HACL1: variants seen among roughly 807,000 people sequenced by gnomAD.
The protein encoded by HACL1 is 1600020H07Rik.
HACL1 carries 64 observed loss-of-function variants against 74.2 expected under a neutral mutation model. That is an observed-to-expected ratio of 0.86 (90% CI 0.70 to 1.06). HACL1 has a LOEUF of 1.06. HACL1 is among the 50% of genes least tolerant of loss of function. The pLI is 0.00. For synonymous variants in HACL1, 230 were observed against 238.8 expected (o/e 0.96, Z 0.34); for missense variants, 728 against 719.7 (o/e 1.01, Z -0.13).
At position 15,568,376 on chromosome 3, in the gene HACL1, T is replaced by C. The variant is rs1468811862; in HGVS notation, c.1250+56A>G. On this transcript the variant is annotated intron_variant, in intron 13 of 16. Coordinates refer to ENST00000321169, the MANE Select transcript of HACL1 (RefSeq NM_012260.4). ...TCTTCTTAATCTGCACTATTACAGT[T>C]TCATATTAAACACATTATAATGAAT... 7.5e-6 allele frequency: 8 copies of C among 1,067,762 alleles called. No individual in the cohort carries two copies. In the East Asian group the frequency reaches 1.7e-4, roughly 22 times the overall value. 66.1% of individuals were successfully genotyped at this position (1,067,762 alleles called of 1,614,324 possible). A position where few individuals can be genotyped will look rare whatever the true frequency, so the allele number is the denominator to read the frequency against.
Position 15,567,700 on chromosome 3 carries a change from C to T in HACL1, c.1409+144G>A. ...GAAGAGAAAGACCGTGGGTTACTGC[C>T]ACTAGCATCCTCAGGACAGAACACA... is the stretch of plus-strand genomic sequence containing the variant. On this transcript the variant is annotated intron_variant, in intron 14 of 16. Transcript: ENST00000321169. 4.2e-6 allele frequency: 3 copies of T among 706,456 alleles called. No homozygotes were observed. In the South Asian group the frequency reaches 5.8e-5, roughly 14 times the overall value. 43.8% of individuals were successfully genotyped at this position (706,456 alleles called of 1,614,324 possible).
chr3:15,595,601 TTCC>T (rs1355438026), intron 3 of HACL1, among the ~76,000 whole-genome samples: 2 of 141,956 alleles, frequency 1.4e-5, no homozygotes, highest in East Asian at 4.3e-4. Context: ...TTCATCTTTT[TTCC>T]TTTTTTTTTT....
At chr3:15,590,658 G>A (rs2125275568) in intron 4 of HACL1, among the ~76,000 whole-genome samples, 1 of 152,184 alleles carries the variant, frequency 6.6e-6, no homozygotes, top group East Asian at 1.9e-4. Context: ...TGCAAAACAA[G>A]GTGAAAAATT....
intron 3 of HACL1, among the ~76,000 whole-genome samples, chr3:15,595,128 C>CA (rs887646334): frequency 3.0e-4 from 42 of 142,328 alleles, no homozygotes; most frequent in South Asian, 1.3e-3. Flanking sequence ...GACTCCATCT[C>CA]AAAAAAAAAA....
In HACL1 at chr3:15,601,553, T is replaced by A. The variant is rs937630850; in HGVS notation, c.-90A>T. Reference sequence around the variant, plus strand: ...AACGCGAAATCGGCAGCACGCCACCTCTGGTACTGCACCTCTGACGGACAG... The same window carrying A: ...AACGCGAAATCGGCAGCACGCCACCACTGGTACTGCACCTCTGACGGACAG... On this transcript the variant is annotated 5_prime_UTR_variant, in exon 1 of 17. Transcript: ENST00000321169. The A allele has an allele frequency of 4.4e-6, 7 of 1,603,826 alleles. No individual in the cohort carries two copies. In the Admixed American group the frequency reaches 5.0e-5, roughly 12 times the overall value.
chr3:15,593,021 C>T (rs80151980), intron 3 of HACL1, among the ~76,000 whole-genome samples: 16,599 of 47,018 alleles, frequency 0.35, 5,228 homozygotes, highest in African/African-American at 0.67. Context: ...TACACATGTA[C>T]GCATATGTAC....
chr3:15,601,242 C>G, intron 1 of HACL1, 48 bp from the exon 2 acceptor site: 1 of 1,538,790 alleles, frequency 6.5e-7, no homozygotes, highest in South Asian at 1.1e-5. Context: ...CCCACCATAT[C>G]GCCACATCCT....
At chr3:15,599,039 T>G (rs571431047) in intron 2 of HACL1, among the ~76,000 whole-genome samples, 1 of 152,362 alleles carries the variant, frequency 6.6e-6, no homozygotes, top group African/African-American at 2.4e-5. Flanking sequence ...CTTTCCTAAC[T>G]GGTTAATGCC....
chr3:15,577,980 C>T (rs1028762794), intron 9 of HACL1, among the ~76,000 whole-genome samples: 2 of 151,608 alleles, frequency 1.3e-5, no homozygotes, highest in Non-Finnish European at 2.9e-5. Flanking sequence ...CGCCTGTAGT[C>T]CCAGCTACTA....
intron 3 of HACL1, chr3:15,595,932 G>T: frequency 6.5e-6 from 1 of 152,870 alleles, no homozygotes; most frequent in South Asian, 2.0e-4. Flanking sequence ...TCTTCTTTGT[G>T]CTTTCTATAT....
Position 15,563,370 on chromosome 3 carries a change from T to C in HACL1, c.1692A>G (p.Thr564=). 6.2e-7 allele frequency: 1 copy of C among 1,612,276 alleles called. No homozygotes were observed. Among genetic ancestry groups the C allele is most frequent in the Non-Finnish European group, 8.5e-7 (1 of 1,178,642 alleles). The change falls in exon 16 of 17, where the codon ACA becomes ACG. Residue 564 remains threonine (T), a synonymous_variant. Coordinates refer to ENST00000321169, the MANE Select transcript of HACL1 (RefSeq NM_012260.4). ...CAACTGTATTTACCTGGGCCTTCCG[T>C]GTGGCTTGTGGCTCAATCATGATGT... is the stretch of plus-strand genomic sequence containing the variant. ...LINIMIEPQA[T]RKAQDFHWLT...
chr3:15,579,766 C>A, intron 9 of HACL1, 144 bp downstream of exon 9: 1 of 617,696 alleles, frequency 1.6e-6, no homozygotes. Flanking sequence ...GAAATGAAAG[C>A]CAGAAGATAG....
chr3:15,561,110 G>A (rs1184066189), intron 16 of HACL1, among the ~76,000 whole-genome samples: 1 of 152,168 alleles, frequency 6.6e-6, no homozygotes. Context: ...ATGGCATTCT[G>A]GGTCCTCTTC....
At chr3:15,562,537 G>GA (rs1166954230) in intron 16 of HACL1, among the ~76,000 whole-genome samples, 4 of 152,114 alleles carry the variant, frequency 2.6e-5, no homozygotes, top group Non-Finnish European at 5.9e-5. Context: ...ACAAAAGAAA[G>GA]AGATTCCATA....
intron 2 of HACL1, chr3:15,600,702 G>C (rs1574957252): frequency 4.5e-6 from 1 of 223,954 alleles, no homozygotes; most frequent in East Asian, 1.0e-4. Context: ...CTAAGCACTG[G>C]GGGTACAGAT....
At position 15,586,536 on chromosome 3, in the gene HACL1, CA is replaced by C. The variant is rs2063797721; in HGVS notation, c.447del (p.Phe149LeufsTer7). The C allele has an allele frequency of 6.3e-7, 1 of 1,578,132 alleles. No homozygotes were observed. The highest frequency in any genetic ancestry group is 8.7e-7 in the Non-Finnish European group (1 of 1,149,212). On this transcript the variant is annotated frameshift_variant, in exon 6 of 17. Coordinates refer to ENST00000321169, the MANE Select transcript of HACL1 (RefSeq NM_012260.4). LOFTEE classifies it high-confidence loss of function. Reference protein sequence around the residue: ...ARPSSIEAIPFVIEKAVRSSI... With the variant: ...ARPSSIEAIPXVIEKAVRSSI... ...ATTAAATACTGTACCTTTTCAATAA[CA>C]AAAGGAATAGCTTCTATGCTGCTTG...
chr3:15,596,342 CA>C, intron 3 of HACL1, 41 bp downstream of exon 3: 2 of 1,090,866 alleles, frequency 1.8e-6, no homozygotes, highest in Non-Finnish European at 2.8e-6. Context: ...AGTTCTACCC[CA>C]AAATATTAAA....
chr3:15,593,724 G>A (rs530911837), intron 3 of HACL1, among the ~76,000 whole-genome samples: 7 of 148,934 alleles, frequency 4.7e-5, no homozygotes, highest in African/African-American at 1.2e-4. Context: ...ATATAACGTC[G>A]ACTGATCTTT....
chr3:15,582,470 ATAT>A (rs2063730399), intron 8 of HACL1, among the ~76,000 whole-genome samples: 1 of 152,216 alleles, frequency 6.6e-6, no homozygotes, highest in East Asian at 1.9e-4. Flanking sequence ...AAGATGAAAA[ATAT>A]TATAATCTTA....
Sources: allele counts gnomAD v4.1 joint callset (sites outside exome capture counted in the v4.1 genomes callset), GRCh38; gene constraint gnomAD v4.1.1; transcripts MANE v1.5; gene names NCBI Gene and HGNC (gene_info 2026-07-23, HGNC 2026-07-21).